Variants in CEP162 observed in about 807,000 individuals in gnomAD.
CEP162 encodes centrosomal protein of 162 kDa.
In CEP162, 141 loss-of-function variants were observed where a neutral mutation model predicts 169.2. The ratio of observed to expected loss-of-function variants is 0.83; its 90% CI spans 0.73 to 0.96. The LOEUF (loss-of-function observed/expected upper bound fraction) is 0.96, where lower values mean the gene tolerates loss of function less well. Ranked by LOEUF, CEP162 falls within the 40% of genes least tolerant of loss-of-function variation. CEP162 has a pLI of 0.00. For synonymous variants in CEP162, 540 were observed against 526.4 expected (o/e 1.03, Z -0.35); for missense variants, 1,600 against 1,587.2 (o/e 1.01, Z -0.14).
intron 16 of CEP162, among the ~76,000 whole-genome samples, chr6:84,172,869 G>GGT (rs2099530727): frequency 6.6e-6 from 1 of 152,086 alleles, no homozygotes; most frequent in African/African-American, 2.4e-5. Flanking sequence ...AAGAAAAAAG[G>GGT]GTGTGGGAGG....
intron 18 of CEP162, among the ~76,000 whole-genome samples, chr6:84,165,754 TA>T (rs1415093713): frequency 1.3e-5 from 2 of 152,192 alleles, no homozygotes; most frequent in Non-Finnish European, 2.9e-5. Context: ...AACTCTGTTT[TA>T]TACTGTCTTA....
At chr6:84,180,019 A>C (rs1456386765) in intron 13 of CEP162, among the ~76,000 whole-genome samples, 2 of 152,204 alleles carry the variant, frequency 1.3e-5, no homozygotes, top group African/African-American at 2.4e-5. Context: ...CCTGATACTA[A>C]AGCCTGGCAG....
rs1588729250 is a variant in CEP162 at position 84,148,396 on chromosome 6, G to A, written c.3771+1166C>T. On this transcript the variant is annotated intron_variant, in intron 24 of 26. Transcript: ENST00000403245. ...ATATAAAAATTAGTCAGGCATGGTG[G>A]CGTGCACCTGTAATCCCAGCTACTT... Among the ~76,000 whole-genome samples the A allele has an allele frequency of 2.0e-5, 3 of 152,088 alleles. No individual in the cohort carries two copies. The South Asian group carries it at 6.2e-4, about 32-fold the overall frequency.
intron 24 of CEP162, among the ~76,000 whole-genome samples, chr6:84,148,897 T>C (rs1375940387): frequency 6.6e-6 from 1 of 152,178 alleles, no homozygotes; most frequent in African/African-American, 2.4e-5. Flanking sequence ...ATTTTAATGC[T>C]ATTTTTATAA....
At chr6:84,217,864 CA>C (rs1337429630) in intron 3 of CEP162, 2 of 152,142 alleles carry the variant, frequency 1.3e-5, no homozygotes, top group Middle Eastern at 3.2e-3. Context: ...TAGATAACTG[CA>C]ACAAAGAGAC....
At chr6:84,168,145 C>T (rs1483820998) in intron 18 of CEP162, among the ~76,000 whole-genome samples, 1 of 152,040 alleles carries the variant, frequency 6.6e-6, no homozygotes, top group East Asian at 1.9e-4. Flanking sequence ...AAAACAACAG[C>T]CTTTGGAACT....
chr6:84,196,934 G>C (rs756506164), intron 9 of CEP162, among the ~76,000 whole-genome samples: 25 of 152,178 alleles, frequency 1.6e-4, no homozygotes, highest in Non-Finnish European at 3.5e-4. Flanking sequence ...GTCAACAGTT[G>C]AAGGGCAGAG....
chr6:84,201,079 C>T (rs1289566622), intron 8 of CEP162, among the ~76,000 whole-genome samples, 174 bp from the exon 9 acceptor site: 1 of 152,168 alleles, frequency 6.6e-6, no homozygotes, highest in Non-Finnish European at 1.5e-5. Context: ...GAGATCGAGA[C>T]CATCCTGGCT....
At chr6:84,180,927 A>G (rs2099534536) in intron 13 of CEP162, among the ~76,000 whole-genome samples, 1 of 152,210 alleles carries the variant, frequency 6.6e-6, no homozygotes, top group Non-Finnish European at 1.5e-5. Flanking sequence ...TGCCCAAGGT[A>G]ATTTATAGAT....
chr6:84,207,578 G>A (rs2099547704), intron 6 of CEP162, among the ~76,000 whole-genome samples: 1 of 113,112 alleles, frequency 8.8e-6, no homozygotes, highest in Non-Finnish European at 1.7e-5. Flanking sequence ...GGGGCGGGGG[G>A]AGGGGGGAAG....
chr6:84,139,209 T>G (rs1042439011), intron 25 of CEP162, among the ~76,000 whole-genome samples: 4 of 152,214 alleles, frequency 2.6e-5, no homozygotes, highest in Non-Finnish European at 5.9e-5. Context: ...AGCCCAGAGA[T>G]GGCACCAGAG....
rs775154991 is a variant in CEP162 at position 84,154,358 on chromosome 6, GTCTA to G, written c.2994+936_2994+939del. Among the ~76,000 whole-genome samples, 1,364 of 149,768 alleles carry G rather than the reference GTCTA, an allele frequency of 9.1e-3. 12 individuals are homozygous for G. Among genetic ancestry groups the G allele is most frequent in the Non-Finnish European group, 0.014 (927 of 67,570 alleles). On this transcript the variant is annotated intron_variant, in intron 22 of 26. Coordinates refer to ENST00000403245, the MANE Select transcript of CEP162 (RefSeq NM_014895.4). ...TGTCTGTCTGTCTGTCTGTCTGTCTGTCTATCTATCTATCTATCTACCTATCTAT... is the reference window on the plus strand; with the variant it reads ...TGTCTGTCTGTCTGTCTGTCTGTCTGTCTATCTATCTATCTACCTATCTAT...
intron 11 of CEP162, among the ~76,000 whole-genome samples, chr6:84,191,474 T>C (rs1239962160): frequency 1.3e-5 from 2 of 152,216 alleles, no homozygotes; most frequent in Non-Finnish European, 2.9e-5. Context: ...AGTTGTAACA[T>C]TGATTGCTGT....
intron 11 of CEP162, 45 bp from the exon 12 acceptor site, chr6:84,186,668 C>T (rs757145943): frequency 9.4e-6 from 14 of 1,489,470 alleles, no homozygotes; most frequent in East Asian, 6.8e-5. Context: ...TATGTAACAG[C>T]TTTTCAAATA....
intron 25 of CEP162, among the ~76,000 whole-genome samples, chr6:84,141,726 A>G (rs1173191001): frequency 6.6e-6 from 1 of 152,174 alleles, no homozygotes; most frequent in African/African-American, 2.4e-5. Context: ...GATAAACAGA[A>G]CACTGTCTCA....
Position 84,160,897 on chromosome 6 carries a change from T to A in CEP162, c.2696A>T (p.Glu899Val). Reference sequence around the variant, plus strand: ...CTGCCGAATAGATGGATTCCCAGATTCAGCTTTCAGTTTCTCAATCTGTCA... The same window carrying A: ...CTGCCGAATAGATGGATTCCCAGATACAGCTTTCAGTTTCTCAATCTGTCA... ...LKLEIEKLKA[E>V]SGNPSIRQKI... is the part of the protein sequence containing the mutation. The change falls in exon 21 of 27, where the codon GAA becomes GTA. Residue 899 changes from glutamate to valine, a missense_variant. Transcript: ENST00000403245. 6.2e-7 allele frequency: 1 copy of A among 1,611,180 alleles called. No homozygotes were observed. Among genetic ancestry groups the A allele is most frequent in the Non-Finnish European group, 8.5e-7 (1 of 1,177,946 alleles).
In CEP162 at chr6:84,126,402, T is replaced by C. The variant is rs1315250895; in HGVS notation, c.3981A>G (p.Ala1327=). 2 of 1,603,344 alleles carry C rather than the reference T, an allele frequency of 1.2e-6. No individual in the cohort carries two copies. Among genetic ancestry groups the C allele is most frequent in the Admixed American group, 1.7e-5 (1 of 58,576 alleles). Reference sequence around the variant, plus strand: ...CCTGTTGAAGTTCCTGTTCTCTTTGTGCATGTCTCATTTCCATCTGCTTAA... The same window carrying C: ...CCTGTTGAAGTTCCTGTTCTCTTTGCGCATGTCTCATTTCCATCTGCTTAA... ...KKIKQMEMRH[A]QREQELQQII... Residue 1327 remains alanine (A), a synonymous_variant, in exon 26 of 27, where the codon GCA becomes GCG. Transcript: ENST00000403245.
intron 9 of CEP162, 65 bp from the exon 10 acceptor site, chr6:84,195,140 T>C (rs2099541575): frequency 8.0e-7 from 1 of 1,252,146 alleles, no homozygotes; most frequent in Non-Finnish European, 1.1e-6. Context: ...GATAAAACAC[T>C]AATATCATTC....
chr6:84,154,905 A>C (rs1480820736), intron 22 of CEP162, among the ~76,000 whole-genome samples: 1 of 152,168 alleles, frequency 6.6e-6, no homozygotes, highest in Non-Finnish European at 1.5e-5. Context: ...CTGTTCCTAA[A>C]ATGTATACTT....
Sources: allele counts gnomAD v4.1 joint callset (sites outside exome capture counted in the v4.1 genomes callset), GRCh38; gene constraint gnomAD v4.1.1; transcripts MANE v1.5; gene names NCBI Gene and HGNC (gene_info 2026-07-23, HGNC 2026-07-21).